CSMD1: variants seen among roughly 807,000 people sequenced by gnomAD.
CSMD1 encodes CUB and sushi domain-containing protein 1.
A neutral mutation model predicts 417.5 loss-of-function variants in CSMD1; 213 were observed. The ratio of observed to expected loss-of-function variants is 0.51; its 90% CI spans 0.46 to 0.57. The LOEUF (loss-of-function observed/expected upper bound fraction) is 0.57. Among genes scored for constraint, CSMD1 ranks in the 20% least tolerant of loss-of-function variants. The probability of loss-of-function intolerance (pLI) is 0.00; values close to 1 mark genes in which losing one functional copy is unlikely to be tolerated. For synonymous variants in CSMD1, 2,862 were observed against 1,736.8 expected (o/e 1.65, Z -16.11); for missense variants, 6,923 against 4,529.7 (o/e 1.53, Z -15.17).
At chr8:3,540,384 A>C (rs1798387213) in intron 10 of CSMD1, among the ~76,000 whole-genome samples, 1 of 152,208 alleles carries the variant, frequency 6.6e-6, no homozygotes, top group South Asian at 2.1e-4. Flanking sequence ...GTACAGCTCA[A>C]GGTGGATTCA....
intron 3 of CSMD1, among the ~76,000 whole-genome samples, chr8:4,303,774 G>T (rs773299335): frequency 1.6e-4 from 24 of 151,922 alleles, no homozygotes; most frequent in Non-Finnish European, 3.2e-4. Context: ...TCCTGCCTCA[G>T]CCTCCTGAGT....
At chr8:3,127,999 C>G (rs551896387) in intron 41 of CSMD1, 30 of 150,844 alleles carry the variant, frequency 2.0e-4, no homozygotes, top group Non-Finnish European at 4.0e-4. Context: ...GAGGGAGGGA[C>G]TTAACTTCTC....
At chr8:4,662,635 A>T (rs1229513257) in intron 1 of CSMD1, among the ~76,000 whole-genome samples, 3 of 152,184 alleles carry the variant, frequency 2.0e-5, no homozygotes, top group African/African-American at 7.2e-5. Flanking sequence ...GTTCTTCAGA[A>T]ATATAAAACC....
intron 7 of CSMD1, among the ~76,000 whole-genome samples, chr8:3,684,532 G>T (rs1320439733): frequency 1.3e-5 from 2 of 149,978 alleles, no homozygotes; most frequent in African/African-American, 4.9e-5. Flanking sequence ...TGGCCATCTA[G>T]AAACAAATGG....
At chr8:3,300,130 C>G (rs1804274982) in intron 25 of CSMD1, among the ~76,000 whole-genome samples, 1 of 152,048 alleles carries the variant, frequency 6.6e-6, no homozygotes, top group Non-Finnish European at 1.5e-5. Context: ...TATCCGGTAA[C>G]TAAATAGGAT....
rs1030369500 is a variant in CSMD1, at chr8:4,811,929, G to T, written c.86-174371C>A. Among the ~76,000 whole-genome samples, 3 of 152,180 alleles carry T rather than the reference G, an allele frequency of 2.0e-5. No individual in the cohort carries two copies. The East Asian group carries it at 5.8e-4, about 29-fold the overall frequency. On this transcript the variant is annotated intron_variant, in intron 1 of 69. Coordinates refer to ENST00000635120, the MANE Select transcript of CSMD1 (RefSeq NM_033225.6). Reference sequence around the variant, plus strand: ...ACTGTTTCTCCGTATAGAATTTTCTGATAGGCGCATTAGAATAAGTCATAG... The same window carrying T: ...ACTGTTTCTCCGTATAGAATTTTCTTATAGGCGCATTAGAATAAGTCATAG...
At chr8:4,169,141 C>T (rs775221809) in intron 3 of CSMD1, among the ~76,000 whole-genome samples, 1 of 152,134 alleles carries the variant, frequency 6.6e-6, no homozygotes, top group Admixed American at 6.5e-5. Context: ...GGTGGTGATG[C>T]CCAGCTTAAT....
intron 3 of CSMD1, among the ~76,000 whole-genome samples, chr8:4,049,695 T>G (rs942427274): frequency 4.6e-5 from 7 of 152,204 alleles, no homozygotes; most frequent in African/African-American, 1.7e-4. Context: ...GAATTCTTAA[T>G]AAATTTTCAA....
intron 1 of CSMD1, among the ~76,000 whole-genome samples, chr8:4,848,341 G>C (rs186266093): frequency 5.2e-4 from 79 of 152,288 alleles, no homozygotes; most frequent in African/African-American, 1.8e-3. Flanking sequence ...TTTGGTCAAG[G>C]ATGGGCCACC....
chr8:4,838,937 A>G (rs1352518129), intron 1 of CSMD1, among the ~76,000 whole-genome samples: 1 of 152,240 alleles, frequency 6.6e-6, no homozygotes, highest in Admixed American at 6.5e-5. Context: ...ATGAAAGACA[A>G]ATTTGACAAA....
At chr8:3,526,233 C>A (rs971603750) in intron 10 of CSMD1, among the ~76,000 whole-genome samples, 1 of 151,966 alleles carries the variant, frequency 6.6e-6, no homozygotes, top group African/African-American at 2.4e-5. Context: ...CTTCCTGAAC[C>A]TTCTATAGAA....
At position 3,384,370 on chromosome 8, in the gene CSMD1, C is replaced by T. The variant is rs941381531; in HGVS notation, c.2782+3124G>A. Among the ~76,000 whole-genome samples, 3 of 151,824 alleles carry T rather than the reference C, an allele frequency of 2.0e-5. 1 individual carries two copies. The highest frequency in any genetic ancestry group is 6.8e-3 in the Middle Eastern group (2 of 292). ...GCAACACTATGTCTTAATAGGATAT[C>T]CCTTTTCTACAAAATGGAATAATTA... is the stretch of plus-strand genomic sequence containing the variant. On this transcript the variant is annotated intron_variant, in intron 18 of 69. Transcript: ENST00000635120.
chr8:3,028,642 G>A (rs542195234), intron 51 of CSMD1, among the ~76,000 whole-genome samples: 34 of 152,250 alleles, frequency 2.2e-4, no homozygotes, highest in Admixed American at 8.5e-4. Context: ...TATTATCAAA[G>A]ACAGTTAAAC....
At chr8:3,031,197 T>A (rs917470549) in intron 50 of CSMD1, among the ~76,000 whole-genome samples, 3 of 151,020 alleles carry the variant, frequency 2.0e-5, no homozygotes, top group East Asian at 1.9e-4. Flanking sequence ...ATATTTCAAA[T>A]AAAATGCATT....
At chr8:3,889,543 A>C in intron 5 of CSMD1, among the ~76,000 whole-genome samples, 1 of 90,020 alleles carries the variant, frequency 1.1e-5, no homozygotes, top group Non-Finnish European at 2.6e-5. Context: ...ATACACACAT[A>C]TGTGTATATG....
At chr8:2,948,211 T>TAACTACA (rs1563171459) in intron 68 of CSMD1, among the ~76,000 whole-genome samples, 1 of 152,112 alleles carries the variant, frequency 6.6e-6, no homozygotes, top group Non-Finnish European at 1.5e-5. Context: ...ACGACTTTTG[T>TAACTACA]GCAAAAAGAG....
At chr8:4,924,219 A>G (rs982474042) in intron 1 of CSMD1, among the ~76,000 whole-genome samples, 6 of 152,230 alleles carry the variant, frequency 3.9e-5, no homozygotes, top group Non-Finnish European at 8.8e-5. Context: ...AGTTATGATC[A>G]TGTAAGTTTT....
intron 23 of CSMD1, among the ~76,000 whole-genome samples, chr8:3,313,081 C>T (rs751990283): frequency 2.6e-4 from 40 of 152,166 alleles, no homozygotes; most frequent in Non-Finnish European, 1.0e-4. Flanking sequence ...TAATTCTGCA[C>T]TATTTCAGAA....
intron 1 of CSMD1, among the ~76,000 whole-genome samples, chr8:4,678,520 A>G (rs187466376): frequency 6.6e-6 from 1 of 152,320 alleles, no homozygotes; most frequent in African/African-American, 2.4e-5. Context: ...CTGTAGAATT[A>G]ATGTTCAGTG....
Sources: allele counts gnomAD v4.1 joint callset (sites outside exome capture counted in the v4.1 genomes callset), GRCh38; gene constraint gnomAD v4.1.1; transcripts MANE v1.5; gene names NCBI Gene and HGNC (gene_info 2026-07-23, HGNC 2026-07-21).